The following LVRN variants were observed in gnomAD, a reference collection of about 807,000 sequenced individuals.
LVRN encodes the protein laeverin.
Under a neutral mutation model 111.4 loss-of-function variants are expected in LVRN, and 99 were observed. That is an observed-to-expected ratio of 0.89 (90% confidence interval 0.76 to 1.05). The LOEUF is 1.05. Among genes scored for constraint, LVRN ranks in the 50% least tolerant of loss-of-function variants. LVRN has a pLI of 0.00. For missense variants in LVRN, 1,414 were observed against 1,206.8 expected (o/e 1.17, Z -2.54); for synonymous variants, 488 against 449.5 (o/e 1.09, Z -1.08).
chr5:116,003,578 G>GT (rs748800511), intron 12 of LVRN, among the ~76,000 whole-genome samples, 198 bp downstream of exon 12: 106 of 79,404 alleles, frequency 1.3e-3, no homozygotes, highest in African/African-American at 1.6e-3. Context: ...GTTTTTTTTT[G>GT]TTTTTTTTGT....
chr5:116,001,186 A>G lies in LVRN; in HGVS notation c.1767A>G (p.Lys589=), dbSNP rs1276303550. The G allele has an allele frequency of 6.2e-7, 1 of 1,614,010 alleles. No individual in the cohort carries two copies. The highest frequency in any genetic ancestry group is 1.7e-5 in the Admixed American group (1 of 59,998). ...ITLNVSTGVM[K]QEPFYLENIK... is the part of the protein sequence containing the mutation. ...TAAATGTGTCTACTGGCGTCATGAA[A>G]CAGGAGCCATTTTATCTTGAAAACA... The change falls in exon 10 of 20, where the codon AAA becomes AAG. Residue 589 remains lysine (K), a synonymous_variant. Transcript: ENST00000357872.
At chr5:115,965,833 T>C (rs1215422637) in intron 1 of LVRN, among the ~76,000 whole-genome samples, 2 of 152,184 alleles carry the variant, frequency 1.3e-5, no homozygotes, top group Admixed American at 6.5e-5. Context: ...ATAAGTTTCC[T>C]GAGGCCTTCC....
Position 115,963,315 on chromosome 5 carries a change from A to G in LVRN, c.695+3A>G, listed in dbSNP as rs769488722. On this transcript the variant is annotated splice_donor_region_variant and intron_variant, in intron 1 of 19. Transcript: ENST00000357872. ...TACACCGACCAGGGCGAGCGCAGGT[A>G]AGGGCTGTACAGCCCGGGGCCCCTC... is the stretch of plus-strand genomic sequence containing the variant. The G allele has an allele frequency of 6.2e-7, 1 of 1,602,064 alleles. No homozygotes were observed. Among genetic ancestry groups the G allele is most frequent in the Non-Finnish European group, 8.5e-7 (1 of 1,174,588 alleles).
chr5:115,974,460 T>C (rs1166346925), intron 1 of LVRN: 1 of 152,288 alleles, frequency 6.6e-6, no homozygotes, highest in African/African-American at 2.4e-5. Context: ...ACTATATATG[T>C]TATTAAAGTT....
intron 1 of LVRN, among the ~76,000 whole-genome samples, chr5:115,982,708 G>A (rs539168988): frequency 1.3e-5 from 2 of 152,212 alleles, no homozygotes; most frequent in South Asian, 2.1e-4. Flanking sequence ...CATGGAGATG[G>A]AGGAAGAATC....
At chr5:115,971,660 C>G (rs1043204941) in intron 1 of LVRN, among the ~76,000 whole-genome samples, 1 of 151,994 alleles carries the variant, frequency 6.6e-6, no homozygotes, top group African/African-American at 2.4e-5. Context: ...ATTGTCTAGT[C>G]TGTTCTATTG....
At chr5:115,982,165 A>G (rs530867940) in intron 1 of LVRN, among the ~76,000 whole-genome samples, 1 of 152,302 alleles carries the variant, frequency 6.6e-6, no homozygotes, top group South Asian at 2.1e-4. Flanking sequence ...TTTTGTCAAT[A>G]CAATGAGGTT....
chr5:115,983,828 TA>T (rs1324234151), intron 2 of LVRN, among the ~76,000 whole-genome samples: 1 of 152,180 alleles, frequency 6.6e-6, no homozygotes, highest in East Asian at 1.9e-4. Flanking sequence ...AGATTTTACA[TA>T]AAAATTTAAA....
intron 18 of LVRN, among the ~76,000 whole-genome samples, chr5:116,017,480 G>A (rs376670269): frequency 2.2e-4 from 34 of 152,264 alleles, no homozygotes; most frequent in African/African-American, 7.9e-4. Context: ...GTAGCAAAGT[G>A]GAGGTTTCTT....
chr5:115,982,874 A>G (rs1747740364), intron 1 of LVRN, among the ~76,000 whole-genome samples: 1 of 151,802 alleles, frequency 6.6e-6, no homozygotes. Flanking sequence ...AAGAAAAAAA[A>G]TAGACATTCT....
In LVRN at chr5:115,978,961, C is replaced by G. The variant is rs1226287940; in HGVS notation, c.696-4326C>G. On this transcript the variant is annotated intron_variant, in intron 1 of 19. Coordinates refer to ENST00000357872, the MANE Select transcript of LVRN (RefSeq NM_173800.5). ...TCTTCAGTGTTTTTCCTCTTTTTTT[C>G]TACAATTTCCTTGACTCAGCAACTT... 2.0e-5 allele frequency among the ~76,000 whole-genome samples: 3 copies of G among 151,992 alleles called. No individual in the cohort carries two copies. In the South Asian group the frequency reaches 6.2e-4, roughly 31 times the overall value.
At chr5:116,006,070 C>T (rs929216854) in intron 13 of LVRN, 103 bp downstream of exon 13, 3 of 860,296 alleles carry the variant, frequency 3.5e-6, no homozygotes, top group Non-Finnish European at 5.3e-6. Context: ...CTATACAGGC[C>T]ATAACTGATT....
At chr5:115,999,296 T>C (rs1391739265) in intron 6 of LVRN, among the ~76,000 whole-genome samples, 2 of 152,224 alleles carry the variant, frequency 1.3e-5, no homozygotes, top group African/African-American at 2.4e-5. Context: ...TATGGATTTA[T>C]TTTCAATTTT....
At position 116,000,474 on chromosome 5, in the gene LVRN, G is replaced by C. The variant is rs145190289; in HGVS notation, c.1557G>C (p.Glu519Asp). 1.9e-6 allele frequency: 3 copies of C among 1,613,992 alleles called. No individual in the cohort carries two copies. In the African/African-American group the frequency reaches 4.0e-5, roughly 22 times the overall value. The change falls in exon 8 of 20, where the codon GAG (glutamate) becomes GAC (aspartate). Residue 519 changes from glutamate (E) to aspartate (D), a missense_variant. Transcript: ENST00000357872. ...MARMLSCFLN[E>D]HLFVSALKSY... ...GGATGCTTTCTTGTTTCTTGAATGA[G>C]CATTTATTTGTCAGTGCACTCAAGG...
At chr5:116,014,202 T>C (rs974348601) in intron 15 of LVRN, among the ~76,000 whole-genome samples, 5 of 152,218 alleles carry the variant, frequency 3.3e-5, no homozygotes, top group Non-Finnish European at 7.3e-5. Context: ...ATACTGGCTT[T>C]AGGAGCTCTT....
intron 6 of LVRN, among the ~76,000 whole-genome samples, chr5:115,994,384 C>T (rs1450118074): frequency 6.6e-6 from 1 of 152,018 alleles, no homozygotes; most frequent in African/African-American, 2.4e-5. Flanking sequence ...GCAGTCCTCC[C>T]ACCTCAGCCT....
intron 18 of LVRN, among the ~76,000 whole-genome samples, chr5:116,017,134 CCTT>C (rs1217076145): frequency 6.6e-6 from 1 of 152,130 alleles, no homozygotes; most frequent in Non-Finnish European, 1.5e-5. Context: ...CAAATCTCCT[CCTT>C]CTACCTGGAG....
At chr5:116,018,528 C>T (rs994929965) in intron 18 of LVRN, among the ~76,000 whole-genome samples, 1 of 151,794 alleles carries the variant, frequency 6.6e-6, no homozygotes, top group Non-Finnish European at 1.5e-5. Flanking sequence ...CAAAAGTAGC[C>T]AGGCATGGTG....
chr5:116,010,838 G>T lies in LVRN; in HGVS notation c.2191G>T (p.Val731Leu), dbSNP rs769734478. The T allele has an allele frequency of 1.2e-6, 2 of 1,611,614 alleles. No individual in the cohort carries two copies. Among genetic ancestry groups the T allele is most frequent in the East Asian group, 2.2e-5 (1 of 44,768 alleles). The part of the protein sequence containing the change: ...IVWHTVLVNL[V>L]TRDLVSEVNI... ...ATGGCATACAGTCTTGGTAAACTTG[G>T]TAACCAGGGATCTTGTTTCTGAGGT... The change falls in exon 14 of 20, where the codon GTA becomes TTA. Residue 731 changes from valine (V) to leucine (L), a missense_variant. Transcript: ENST00000357872.
Sources: allele counts gnomAD v4.1 joint callset (sites outside exome capture counted in the v4.1 genomes callset), GRCh38; gene constraint gnomAD v4.1.1; transcripts MANE v1.5; gene names NCBI Gene and HGNC (gene_info 2026-07-23, HGNC 2026-07-21).